Variants in CHN1 observed in about 807,000 individuals in gnomAD.
The protein encoded by CHN1 is chimerin 1.
CHN1 carries 37 observed loss-of-function variants against 59.5 expected under a neutral mutation model. The observed-to-expected ratio is 0.62, with a 90% CI of 0.48 to 0.82. The LOEUF is 0.82. Among genes scored for constraint, CHN1 ranks in the 40% least tolerant of loss-of-function variants. The probability of loss-of-function intolerance (pLI) is 0.00; values close to 1 mark genes in which losing one functional copy is unlikely to be tolerated. For missense variants in CHN1, 469 were observed against 571.0 expected (o/e 0.82, Z 1.82); for synonymous variants, 206 against 200.4 (o/e 1.03, Z -0.24).
At chr2:174,967,507 T>C (rs1225751215) in intron 1 of CHN1, among the ~76,000 whole-genome samples, 1 of 152,246 alleles carries the variant, frequency 6.6e-6, no homozygotes, top group Admixed American at 6.5e-5. Context: ...CCAATGTTCA[T>C]GTTCCAATGT....
intron 7 of CHN1, chr2:174,846,343 G>C: frequency 6.5e-7 from 1 of 1,549,320 alleles, no homozygotes; most frequent in Non-Finnish European, 8.7e-7. Context: ...CAAAAAGTGA[G>C]GAGAAGCTGC....
At chr2:174,855,386 C>T (rs1458173487) in intron 6 of CHN1, among the ~76,000 whole-genome samples, 2 of 152,116 alleles carry the variant, frequency 1.3e-5, no homozygotes, top group Admixed American at 6.6e-5. Context: ...ATGAGTTTCT[C>T]ATTCAGGTTT....
intron 3 of CHN1, among the ~76,000 whole-genome samples, chr2:174,934,021 C>T (rs1163828225): frequency 1.3e-5 from 2 of 152,118 alleles, no homozygotes; most frequent in Non-Finnish European, 2.9e-5. Context: ...TGGTCCCCAA[C>T]CTTTTTGGCA....
intron 1 of CHN1, among the ~76,000 whole-genome samples, chr2:174,987,449 C>A (rs1366043327): frequency 6.6e-6 from 1 of 151,154 alleles, no homozygotes; most frequent in Admixed American, 6.6e-5. Context: ...GCTCTGTCAC[C>A]CAGGCTGGAG....
At position 174,997,361 on chromosome 2, in the gene CHN1, C is replaced by T. The variant is rs1691741840; in HGVS notation, c.19+7533G>A. 2.0e-5 allele frequency among the ~76,000 whole-genome samples: 3 copies of T among 152,164 alleles called. No homozygotes were observed. The South Asian group carries it at 6.2e-4, about 32-fold the overall frequency. On this transcript the variant is annotated intron_variant, in intron 1 of 12. Coordinates refer to ENST00000409900, the MANE Select transcript of CHN1 (RefSeq NM_001822.7). ...AAAGCCCCACCCTCTAAAACTTCTACTTTCTTTTCTCTTACAGTATAATTG... is the reference window on the plus strand; with the variant it reads ...AAAGCCCCACCCTCTAAAACTTCTATTTTCTTTTCTCTTACAGTATAATTG...
At chr2:174,865,381 G>A (rs1687186287) in intron 6 of CHN1, among the ~76,000 whole-genome samples, 1 of 152,106 alleles carries the variant, frequency 6.6e-6, no homozygotes, top group Non-Finnish European at 1.5e-5. Flanking sequence ...AAGGGGCATT[G>A]TGTGGAAGGG....
chr2:174,821,612 G>T (rs1685499506), intron 8 of CHN1: 4 of 242,828 alleles, frequency 1.6e-5, no homozygotes, highest in Admixed American at 1.0e-4. Context: ...TTGACAGAGG[G>T]AGTTGGCCCC....
At chr2:174,934,561 G>C (rs1043364557) in intron 3 of CHN1, among the ~76,000 whole-genome samples, 4 of 152,208 alleles carry the variant, frequency 2.6e-5, no homozygotes, top group African/African-American at 9.6e-5. Context: ...CTGTATTAGA[G>C]GTTTGAGAAG....
At chr2:174,811,646 C>A in intron 9 of CHN1, 58 bp from the exon 10 acceptor site, 1 of 1,052,920 alleles carries the variant, frequency 9.5e-7, no homozygotes. Context: ...GATTTTAACT[C>A]CTCACACTTT....
At chr2:174,872,618 G>C (rs1420712817) in intron 6 of CHN1, among the ~76,000 whole-genome samples, 1 of 152,156 alleles carries the variant, frequency 6.6e-6, no homozygotes, top group Non-Finnish European at 1.5e-5. Flanking sequence ...ATTAGAGATA[G>C]AGCTATCACC....
chr2:175,001,688 C>T (rs933497291), intron 1 of CHN1, among the ~76,000 whole-genome samples: 3 of 152,212 alleles, frequency 2.0e-5, no homozygotes, highest in Non-Finnish European at 2.9e-5. Context: ...TCAGCCAGCC[C>T]AGCCGACGGT....
At chr2:174,865,804 T>C (rs1346849893) in intron 6 of CHN1, among the ~76,000 whole-genome samples, 2 of 152,208 alleles carry the variant, frequency 1.3e-5, no homozygotes, top group African/African-American at 4.8e-5. Flanking sequence ...TGGAATAAGT[T>C]GTCAGAAGTA....
At chr2:174,808,861 G>GAGGAC in intron 11 of CHN1, 44 bp downstream of exon 11, 5 of 1,602,946 alleles carry the variant, frequency 3.1e-6, no homozygotes, top group Non-Finnish European at 4.3e-6. Flanking sequence ...TGATTACCAA[G>GAGGAC]AGGACGTTGT....
At chr2:174,852,056 C>T (rs1686747784) in intron 6 of CHN1, among the ~76,000 whole-genome samples, 1 of 151,958 alleles carries the variant, frequency 6.6e-6, no homozygotes, top group Non-Finnish European at 1.5e-5. Context: ...GTGGGAGGAT[C>T]ACTTGAGGTC....
At chr2:175,004,509 C>CA (rs1691996103) in intron 1 of CHN1, among the ~76,000 whole-genome samples, 1 of 149,890 alleles carries the variant, frequency 6.7e-6, no homozygotes, top group Non-Finnish European at 1.5e-5. Context: ...TGGGGACTCA[C>CA]AGATACCTCG....
intron 3 of CHN1, among the ~76,000 whole-genome samples, chr2:174,942,384 T>A (rs1248009293): frequency 6.6e-6 from 1 of 151,970 alleles, no homozygotes; most frequent in Non-Finnish European, 1.5e-5. Flanking sequence ...CTGGAAGACA[T>A]TATGTTAAAT....
intron 1 of CHN1, among the ~76,000 whole-genome samples, chr2:174,976,787 A>C (rs1245533817): frequency 1.3e-5 from 2 of 152,160 alleles, no homozygotes; most frequent in Admixed American, 1.3e-4. Context: ...AAACTGATCA[A>C]TCCAATAAAA....
intron 1 of CHN1, among the ~76,000 whole-genome samples, chr2:174,960,169 C>T (rs372664846): frequency 2.6e-5 from 4 of 152,232 alleles, no homozygotes; most frequent in African/African-American, 9.6e-5. Context: ...CATGCCAGTT[C>T]CTTCTGCATA....
chr2:174,867,176 C>A (rs937236711), intron 6 of CHN1, among the ~76,000 whole-genome samples: 1 of 151,262 alleles, frequency 6.6e-6, no homozygotes, highest in African/African-American at 2.4e-5. Flanking sequence ...GAGTTGGAGA[C>A]CAGCCTGGGC....
Sources: allele counts gnomAD v4.1 joint callset (sites outside exome capture counted in the v4.1 genomes callset), GRCh38; gene constraint gnomAD v4.1.1; transcripts MANE v1.5; gene names NCBI Gene and HGNC (gene_info 2026-07-23, HGNC 2026-07-21).